Variants in KCNMA1 observed in about 807,000 individuals in gnomAD.
KCNMA1 encodes the protein Calcium-activated potassium channel subunit alpha-1.
A neutral mutation model predicts 140.0 loss-of-function variants in KCNMA1; 29 were observed. That is an observed-to-expected ratio of 0.21 (90% CI 0.15 to 0.28). The LOEUF (loss-of-function observed/expected upper bound fraction) is 0.28, where lower values mean the gene tolerates loss of function less well. KCNMA1 is among the 10% of genes least tolerant of loss of function. The pLI, the probability that KCNMA1 is intolerant of heterozygous loss-of-function variation, is 1.00. For missense variants in KCNMA1, 880 were observed against 1,602.2 expected, an observed-to-expected ratio of 0.55 and a Z score of 7.70; for synonymous variants, 612 against 611.9, an observed-to-expected ratio of 1.00 and a Z score of 0.00.
chr10:77,587,407 C>A (rs993073837), intron 1 of KCNMA1, among the ~76,000 whole-genome samples: 1 of 152,134 alleles, frequency 6.6e-6, no homozygotes, highest in African/African-American at 2.4e-5. Context: ...ACTCTTTATA[C>A]AAGCTAAACC....
chr10:76,881,334 T>C (rs2034586557), downstream of KCNMA1, among the ~76,000 whole-genome samples: 1 of 152,182 alleles, frequency 6.6e-6, no homozygotes, highest in Non-Finnish European at 1.5e-5. Flanking sequence ...GATACAAACT[T>C]CCTAATAGTG....
In KCNMA1 at chr10:77,027,809, C is replaced by A; in HGVS notation, c.1928+14G>T. The A allele has an allele frequency of 6.2e-7, 1 of 1,612,564 alleles. No homozygotes were observed. The highest frequency in any genetic ancestry group is 1.1e-5 in the South Asian group (1 of 91,040). On this transcript the variant is annotated intron_variant, in intron 16 of 27. Transcript: ENST00000286628. ...CAAAAGTGTCAGCTGGCTGCTGGGT[C>A]ACCGCAAACTTACCGGCTCTCTCGG...
chr10:76,978,021 C>T (rs763921079), intron 19 of KCNMA1, among the ~76,000 whole-genome samples: 15 of 152,266 alleles, frequency 9.9e-5, no homozygotes, highest in Middle Eastern at 3.4e-3. Context: ...TAGCTCAGAG[C>T]GATATATAGA....
At chr10:77,077,581 G>GA (rs1227662675) in intron 13 of KCNMA1, among the ~76,000 whole-genome samples, 5 of 151,550 alleles carry the variant, frequency 3.3e-5, no homozygotes, top group South Asian at 2.1e-4. Flanking sequence ...ATTGGAAAGA[G>GA]AAAAAAAAGG....
chr10:76,914,806 A>T (rs2052043110), intron 24 of KCNMA1, 130 bp downstream of exon 24: 2 of 728,630 alleles, frequency 2.7e-6, no homozygotes, highest in African/African-American at 3.5e-5. Context: ...CCTTCCTCCC[A>T]GCCCCCTCAA....
chr10:77,605,703 C>T (rs560695636), intron 1 of KCNMA1, among the ~76,000 whole-genome samples: 5 of 152,360 alleles, frequency 3.3e-5, no homozygotes, highest in Admixed American at 3.3e-4. Context: ...TCTCCTGCTC[C>T]CTTTCTGGAA....
At chr10:77,489,211 A>G (rs1444943595) in intron 1 of KCNMA1, among the ~76,000 whole-genome samples, 2 of 152,226 alleles carry the variant, frequency 1.3e-5, no homozygotes, top group Non-Finnish European at 2.9e-5. Context: ...TAGCATAAGT[A>G]TGTCTCAAAT....
chr10:77,388,954 C>G (rs2095712792), intron 2 of KCNMA1, among the ~76,000 whole-genome samples: 2 of 152,158 alleles, frequency 1.3e-5, no homozygotes, highest in Admixed American at 6.5e-5. Flanking sequence ...GGAAAACAAC[C>G]AGATAAACCC....
chr10:77,504,792 T>A (rs952635739), intron 1 of KCNMA1, among the ~76,000 whole-genome samples: 1 of 152,162 alleles, frequency 6.6e-6, no homozygotes, highest in African/African-American at 2.4e-5. Context: ...TTGCATTTTA[T>A]CTTTTAAAAT....
chr10:77,157,237 C>G (rs1554897141), intron 5 of KCNMA1, among the ~76,000 whole-genome samples: 1 of 152,122 alleles, frequency 6.6e-6, no homozygotes, highest in Non-Finnish European at 1.5e-5. Flanking sequence ...GTCAGGAATT[C>G]AAAACCATCC....
At chr10:77,144,825 G>A (rs1429316073) in intron 5 of KCNMA1, among the ~76,000 whole-genome samples, 1 of 152,020 alleles carries the variant, frequency 6.6e-6, no homozygotes, top group East Asian at 1.9e-4. Context: ...TGAAGGATTT[G>A]TATTCAGGCT....
chr10:77,496,596 CAAAAAAAAAAAAAA>C (rs201304328), intron 1 of KCNMA1, among the ~76,000 whole-genome samples: 25,889 of 63,358 alleles, frequency 0.41, 4,519 homozygotes, highest in African/African-American at 0.59. Context: ...GACACTGTCT[CAAAAAAAAAAAAAA>C]AAAAAAAAAA....
intron 16 of KCNMA1, among the ~76,000 whole-genome samples, chr10:77,021,921 GGTTTTT>G (rs558456483): frequency 1.3e-5 from 2 of 152,100 alleles, no homozygotes; most frequent in Non-Finnish European, 2.9e-5. Context: ...CTACATTACT[GGTTTTT>G]GTTTTTGTTT....
intron 2 of KCNMA1, among the ~76,000 whole-genome samples, chr10:77,381,338 T>C (rs1258791316): frequency 1.3e-5 from 2 of 152,108 alleles, no homozygotes; most frequent in Admixed American, 6.5e-5. Context: ...ATACAATTAG[T>C]AGGGAATGGG....
chr10:77,221,512 T>G lies in KCNMA1; in HGVS notation c.602+29683A>C, dbSNP rs150012853. Among the ~76,000 whole-genome samples, 728 of 152,250 alleles carry G rather than the reference T, an allele frequency of 4.8e-3. 6 individuals are homozygous for G. Among genetic ancestry groups the G allele is most frequent in the African/African-American group, 0.016 (646 of 41,538 alleles). ...TAGTCAATAGTAACTTAATTGTACC[T>G]TTTAAAATTAACTGCAAGAGTGTAA... On this transcript the variant is annotated intron_variant, in intron 3 of 27. Transcript: ENST00000286628.
At chr10:77,155,156 G>C (rs752789290) in intron 5 of KCNMA1, among the ~76,000 whole-genome samples, 1 of 152,140 alleles carries the variant, frequency 6.6e-6, no homozygotes, top group Non-Finnish European at 1.5e-5. Context: ...GAAGGAAAAA[G>C]TTTAAAGAGG....
intron 2 of KCNMA1, among the ~76,000 whole-genome samples, chr10:77,276,598 G>A (rs1312473232): frequency 6.6e-6 from 1 of 152,118 alleles, no homozygotes; most frequent in Admixed American, 6.5e-5. Flanking sequence ...GGCTCAGCAG[G>A]TACTCAATTC....
chr10:76,923,365 C>T (rs1178809588), intron 23 of KCNMA1, among the ~76,000 whole-genome samples: 1 of 150,440 alleles, frequency 6.6e-6, no homozygotes, highest in Non-Finnish European at 1.5e-5. Context: ...GGAGGCAGAG[C>T]TTGCAGTGAG....
chr10:77,329,526 T>C (rs1402251530), intron 2 of KCNMA1, among the ~76,000 whole-genome samples: 1 of 152,202 alleles, frequency 6.6e-6, no homozygotes, highest in Non-Finnish European at 1.5e-5. Context: ...CACCTTGATC[T>C]TGGATTGCCC....
Sources: allele counts gnomAD v4.1 joint callset (sites outside exome capture counted in the v4.1 genomes callset), GRCh38; gene constraint gnomAD v4.1.1; transcripts MANE v1.5; gene names NCBI Gene and HGNC (gene_info 2026-07-23, HGNC 2026-07-21).